TARS3: variants seen among roughly 807,000 people sequenced by gnomAD.
The protein encoded by TARS3 is threonyl-tRNA synthetase 3.
A neutral mutation model predicts 103.5 loss-of-function variants in TARS3; 94 were observed. The observed-to-expected ratio is 0.91, with a 90% confidence interval of 0.77 to 1.08. The LOEUF is 1.08. TARS3 is among the 50% of genes least tolerant of loss of function. TARS3 has a pLI of 0.00. For missense variants in TARS3, 952 were observed against 995.2 expected, an observed-to-expected ratio of 0.96 and a Z score of 0.58; for synonymous variants, 416 against 355.4, an observed-to-expected ratio of 1.17 and a Z score of -1.92.
Position 101,724,389 on chromosome 15 carries a change from G to A in TARS3, c.-2C>T, listed in dbSNP as rs760768601. On this transcript the variant is annotated 5_prime_UTR_variant, in exon 1 of 19. Transcript: ENST00000335968. ...CGCCGCCAGGGCCTCGGCCGCCATC[G>A]CGGCCTCCCTCAGGCACCGACGCCG... The A allele has an allele frequency of 1.5e-5, 22 of 1,487,850 alleles. No individual in the cohort carries two copies. The East Asian group carries it at 5.5e-4, about 37-fold the overall frequency. 92.2% of individuals were successfully genotyped at this position (1,487,850 alleles called of 1,614,324 possible).
chr15:101,698,064 C>T (rs996362083), intron 10 of TARS3, among the ~76,000 whole-genome samples: 4 of 152,186 alleles, frequency 2.6e-5, no homozygotes, highest in Non-Finnish European at 4.4e-5. Flanking sequence ...AGGCCGGGCG[C>T]GGTGACTCAC....
At chr15:101,695,174 T>A (rs1293150357) in intron 10 of TARS3, among the ~76,000 whole-genome samples, 1 of 152,226 alleles carries the variant, frequency 6.6e-6, no homozygotes, top group Non-Finnish European at 1.5e-5. Flanking sequence ...CAGTGACTGT[T>A]GACAAATGTA....
chr15:101,699,405 C>A (rs147392407), intron 10 of TARS3: 4 of 455,870 alleles, frequency 8.8e-6, no homozygotes, highest in Non-Finnish European at 1.8e-5. Flanking sequence ...TCAGGCCCTG[C>A]TCCTGTTCAT....
chr15:101,709,327 G>A (rs1473767300), intron 5 of TARS3, among the ~76,000 whole-genome samples: 3 of 152,140 alleles, frequency 2.0e-5, no homozygotes, highest in Non-Finnish European at 1.5e-5. Context: ...GCAGAGTCGC[G>A]GTGCTCCCAG....
chr15:101,721,169 C>T lies in TARS3; in HGVS notation c.523G>A (p.Glu175Lys). 1.2e-6 allele frequency: 2 copies of T among 1,606,744 alleles called. No individual in the cohort carries two copies. Among genetic ancestry groups the T allele is most frequent in the South Asian group, 2.2e-5 (2 of 90,510 alleles). ...RVADGQTVQGEVWKTTPYQVA... is the reference protein window; with the variant it reads ...RVADGQTVQGKVWKTTPYQVA... ...TGGTAAGGCGTTGTTTTCCAGACTT[C>T]CCCTTGCACTGTTTGCCCATCAGCC... is the stretch of plus-strand genomic sequence containing the variant. The change falls in exon 3 of 19, where the codon GAA becomes AAA. Residue 175 changes from glutamate to lysine, a missense_variant. Physicochemically the swap from Glu to Lys is moderately conservative, Grantham distance 56. Coordinates refer to ENST00000335968, the MANE Select transcript of TARS3 (RefSeq NM_152334.3).
chr15:101,701,192 G>GAAAC lies in TARS3; in HGVS notation c.1222-12_1222-9dup. The GAAAC allele has an allele frequency of 6.4e-7, 1 of 1,567,568 alleles. No individual in the cohort carries two copies. Among genetic ancestry groups the GAAAC allele is most frequent in the Non-Finnish European group, 8.6e-7 (1 of 1,159,130 alleles). On this transcript the variant is annotated splice_polypyrimidine_tract_variant and intron_variant, in intron 9 of 18. Transcript: ENST00000335968. Reference sequence around the variant, plus strand: ...AAAGAAAAGTTCTTGTTCCTAGATTGAAACAAAAATTGCATTTCAAATGTC... The same window carrying GAAAC: ...AAAGAAAAGTTCTTGTTCCTAGATTGAAACAAACAAAAATTGCATTTCAAATGTC...
intron 2 of TARS3, among the ~76,000 whole-genome samples, chr15:101,722,567 G>C (rs531270950): frequency 7.0e-6 from 1 of 143,298 alleles, no homozygotes; most frequent in Non-Finnish European, 1.5e-5. Flanking sequence ...AGCACTTTGG[G>C]AAGCCAAGGT....
intron 10 of TARS3, 49 bp from the exon 11 acceptor site, chr15:101,686,111 A>G: frequency 1.3e-6 from 2 of 1,493,126 alleles, no homozygotes; most frequent in Non-Finnish European, 1.8e-6. Context: ...GCAGATCACA[A>G]TTCCATGCAA....
intron 3 of TARS3, among the ~76,000 whole-genome samples, chr15:101,719,765 C>G (rs1293792036): frequency 6.6e-6 from 1 of 152,232 alleles, no homozygotes; most frequent in Non-Finnish European, 1.5e-5. Flanking sequence ...ACCTAGGAGA[C>G]AGCAGATCAA....
chr15:101,677,315 G>C (rs1898067922), intron 12 of TARS3, among the ~76,000 whole-genome samples: 1 of 152,176 alleles, frequency 6.6e-6, no homozygotes, highest in African/African-American at 2.4e-5. Context: ...CTCAAAGGCA[G>C]AGGAAAGGCA....
chr15:101,675,258 A>T (rs1897975037), intron 13 of TARS3, among the ~76,000 whole-genome samples: 1 of 152,216 alleles, frequency 6.6e-6, no homozygotes, highest in South Asian at 2.1e-4. Context: ...AGTCGGACTA[A>T]GATGACTCAA....
intron 11 of TARS3, among the ~76,000 whole-genome samples, chr15:101,684,562 G>C (rs1481950010): frequency 6.6e-6 from 1 of 152,102 alleles, no homozygotes; most frequent in African/African-American, 2.4e-5. Context: ...ACATTTCCCA[G>C]ACAGGGCTAG....
At chr15:101,665,584 A>G (rs1387279181) in intron 15 of TARS3, among the ~76,000 whole-genome samples, 1 of 152,238 alleles carries the variant, frequency 6.6e-6, no homozygotes, top group Non-Finnish European at 1.5e-5. Flanking sequence ...AATTTGTTCA[A>G]CACTCTAAAC....
Position 101,654,218 on chromosome 15 carries a change from C to T in TARS3, c.*364G>A. On this transcript the variant is annotated 3_prime_UTR_variant, in exon 19 of 19. Coordinates refer to ENST00000335968, the MANE Select transcript of TARS3 (RefSeq NM_152334.3). ...AGACATATTAGAAAATAAGATTTTC[C>T]CTCCTATTTAAAAAAAACTCTGCAG... The T allele has an allele frequency of 5.9e-6, 1 of 170,500 alleles. No individual in the cohort carries two copies. The highest frequency in any genetic ancestry group is 1.2e-5 in the Non-Finnish European group (1 of 82,142). The allele number at this position is 170,500 out of a possible 1,614,324, so 10.6% of individuals were successfully genotyped here.
chr15:101,722,615 G>A (rs1251113374), intron 2 of TARS3, among the ~76,000 whole-genome samples: 3 of 128,580 alleles, frequency 2.3e-5, no homozygotes, highest in Non-Finnish European at 4.7e-5. Context: ...GATCCTCCTG[G>A]CTAACACGGT....
intron 3 of TARS3, among the ~76,000 whole-genome samples, chr15:101,719,014 G>A (rs1900311068): frequency 6.6e-6 from 1 of 152,180 alleles, no homozygotes; most frequent in East Asian, 1.9e-4. Context: ...ACAAGTGAGG[G>A]TAATGGACAA....
At chr15:101,721,855 G>A (rs1900480041) in intron 2 of TARS3, among the ~76,000 whole-genome samples, 1 of 152,122 alleles carries the variant, frequency 6.6e-6, no homozygotes, top group African/African-American at 2.4e-5. Context: ...TGTACTTTGA[G>A]TATCCATACA....
In TARS3 at chr15:101,721,226, CCT is replaced by C. The variant is rs746880460; in HGVS notation, c.464_465del (p.Lys155ArgfsTer13). The C allele has an allele frequency of 5.6e-6, 9 of 1,613,918 alleles. No homozygotes were observed. The highest frequency in any genetic ancestry group is 6.8e-6 in the Non-Finnish European group (8 of 1,179,922). Reference sequence around the variant, plus strand: ...ACTGTGATGATGTTGCTTGTATCCCCCTTTTTTCCATAAATGGCAAGTAAGAG... The same window carrying C: ...ACTGTGATGATGTTGCTTGTATCCCCTTTTTCCATAAATGGCAAGTAAGAG... The part of the protein sequence containing the change: ...HQLLLAIYGK[K>X]GDTSNIITVR... On this transcript the variant is annotated frameshift_variant, in exon 3 of 19. Coordinates refer to ENST00000335968, the MANE Select transcript of TARS3 (RefSeq NM_152334.3). LOFTEE classifies it high-confidence loss of function.
At chr15:101,721,533 C>T (rs1368367967) in intron 2 of TARS3, among the ~76,000 whole-genome samples, 1 of 152,084 alleles carries the variant, frequency 6.6e-6, no homozygotes, top group Non-Finnish European at 1.5e-5. Context: ...CTTGCTTTGT[C>T]GCCCAGGCTG....
Sources: gnomAD v4.1 joint callset for allele counts (sites outside exome capture counted in the v4.1 genomes callset) on GRCh38, gnomAD v4.1.1 for gene constraint, MANE v1.5 for transcripts, NCBI Gene and HGNC (gene_info 2026-07-23, HGNC 2026-07-21) for gene names.